ARMH1: variants seen among roughly 807,000 people sequenced by gnomAD.
ARMH1 encodes armadillo like helical domain containing 1.
ARMH1 carries 34 observed loss-of-function variants against 50.2 expected under a neutral mutation model. The ratio of observed to expected loss-of-function variants is 0.68; its 90% CI spans 0.51 to 0.90. ARMH1 has a LOEUF of 0.90. Among genes scored for constraint, ARMH1 ranks in the 40% least tolerant of loss-of-function variants. The pLI is 0.00. For synonymous variants in ARMH1, 221 were observed against 224.2 expected (o/e 0.99, Z 0.13); for missense variants, 538 against 553.9 (o/e 0.97, Z 0.29).
intron 10 of ARMH1, 123 bp from the exon 11 acceptor site, chr1:44,725,011 CCT>C (rs1006537535): frequency 1.4e-4 from 207 of 1,513,024 alleles, no homozygotes; most frequent in Admixed American, 2.7e-4. Context: ...CTTCCTGTTC[CCT>C]TTCCTGCCCT....
intron 6 of ARMH1, among the ~76,000 whole-genome samples, chr1:44,707,423 GA>G (rs955292925): frequency 5.9e-5 from 9 of 151,574 alleles, no homozygotes; most frequent in Non-Finnish European, 8.8e-5. Context: ...AGAAGTCTGT[GA>G]AAAAAAAATC....
At chr1:44,713,842 A>G (rs1002663068) in intron 6 of ARMH1, among the ~76,000 whole-genome samples, 7 of 152,224 alleles carry the variant, frequency 4.6e-5, no homozygotes, top group African/African-American at 1.7e-4. Flanking sequence ...AAGACACACC[A>G]TAGTAATTCT....
chr1:44,724,390 C>G lies in ARMH1; in HGVS notation c.918C>G (p.Ile306Met). 6.5e-7 allele frequency: 1 copy of G among 1,549,730 alleles called. No individual in the cohort carries two copies. Among genetic ancestry groups the G allele is most frequent in the Middle Eastern group, 1.9e-4 (1 of 5,256 alleles). ...AGCAGGCCGCGGCCGCCAAGGCCAT[C>G]GGGTAAGCGGGCAGGGGTTAGTGGG... is the stretch of plus-strand genomic sequence containing the variant. ...FLQQAAAAKA[I>M]GVLARNDMSI... The change falls in exon 8 of 12, where the codon ATC becomes ATG. Residue 306 changes from isoleucine (I) to methionine (M), a missense_variant and splice_region_variant. Physicochemically the swap from Ile to Met is conservative, Grantham distance 10. Transcript: ENST00000535358. The surrounding 1 kb of genome is among the most constrained non-coding windows in gnomAD (Gnocchi z 6.4).
intron 6 of ARMH1, among the ~76,000 whole-genome samples, chr1:44,710,848 T>C (rs1269965800): frequency 6.6e-6 from 1 of 152,164 alleles, no homozygotes; most frequent in African/African-American, 2.4e-5. Context: ...GAGCAGCTAT[T>C]CCCCTTCCAC....
chr1:44,716,212 G>A (rs368006645), intron 6 of ARMH1, among the ~76,000 whole-genome samples: 287 of 151,426 alleles, frequency 1.9e-3, no homozygotes, highest in Middle Eastern at 0.01. Context: ...CACCTCGTCC[G>A]CTCCCACAAC....
intron 6 of ARMH1, among the ~76,000 whole-genome samples, chr1:44,709,535 A>T (rs186797746): frequency 3.3e-5 from 5 of 151,916 alleles, no homozygotes; most frequent in African/African-American, 4.8e-5. Context: ...AGCCGGGCGT[A>T]GTGGCATGCG....
intron 2 of ARMH1, among the ~76,000 whole-genome samples, chr1:44,696,432 G>A (rs578055716): frequency 6.6e-6 from 1 of 152,200 alleles, no homozygotes. Flanking sequence ...CCTAGTAATT[G>A]TTGACTGGTT....
chr1:44,694,932 A>T (rs1204094610), intron 2 of ARMH1, among the ~76,000 whole-genome samples: 1 of 152,258 alleles, frequency 6.6e-6, no homozygotes, highest in Non-Finnish European at 1.5e-5. Flanking sequence ...TAGATAAGAA[A>T]GATGAGCCTT....
chr1:44,706,927 C>T (rs1156669984), intron 6 of ARMH1, among the ~76,000 whole-genome samples: 1 of 152,106 alleles, frequency 6.6e-6, no homozygotes, highest in African/African-American at 2.4e-5. Context: ...GCACTGACAC[C>T]TTCCTCTCCC....
intron 1 of ARMH1, among the ~76,000 whole-genome samples, chr1:44,678,510 A>T (rs2148560835): frequency 6.6e-6 from 1 of 152,176 alleles, no homozygotes; most frequent in South Asian, 2.1e-4. Context: ...GAAGGAAGTG[A>T]CAAATTGGAG....
At chr1:44,680,799 A>G (rs372842166) in intron 1 of ARMH1, among the ~76,000 whole-genome samples, 15 of 152,122 alleles carry the variant, frequency 9.9e-5, no homozygotes, top group African/African-American at 3.6e-4. Flanking sequence ...AGTTGGAAGC[A>G]AAGTTATCCA....
chr1:44,718,366 CA>C lies in ARMH1; in HGVS notation c.725-5749del, dbSNP rs1646935017. ...CATGAGGGGCCAGACCACTTGGCTCCAAAAAAATGAGCTGCACCAATTCAAG... is the reference window on the plus strand; with the variant it reads ...CATGAGGGGCCAGACCACTTGGCTCCAAAAAATGAGCTGCACCAATTCAAG... On this transcript the variant is annotated intron_variant, in intron 6 of 11. Coordinates refer to ENST00000535358, the MANE Select transcript of ARMH1 (RefSeq NM_001145636.2). Among the ~76,000 whole-genome samples the C allele has an allele frequency of 3.9e-5, 6 of 152,178 alleles. No individual in the cohort carries two copies. In the South Asian group the frequency reaches 1.2e-3, roughly 32 times the overall value.
chr1:44,680,166 A>AGTTT (rs3044192), intron 1 of ARMH1, among the ~76,000 whole-genome samples: 1,771 of 151,894 alleles, frequency 0.012, 19 homozygotes, highest in South Asian at 0.033. Context: ...ATTGGGGCCA[A>AGTTT]GTTTGTTTGT....
intron 5 of ARMH1, among the ~76,000 whole-genome samples, chr1:44,702,176 T>A (rs1207451149): frequency 6.6e-6 from 1 of 152,164 alleles, no homozygotes; most frequent in African/African-American, 2.4e-5. Context: ...ATTAAGTGCC[T>A]CATACATGCC....
chr1:44,690,351 A>G (rs1573324768), intron 2 of ARMH1, among the ~76,000 whole-genome samples: 1 of 151,948 alleles, frequency 6.6e-6, no homozygotes, highest in East Asian at 1.9e-4. Flanking sequence ...TAAAAAAAAA[A>G]TCCTTAGAGT....
Position 44,724,579 on chromosome 1 carries a change from C to T in ARMH1, c.961C>T (p.Leu321=), listed in dbSNP as rs1379730187. The change falls in exon 9 of 12, where the codon CTG becomes TTG. Residue 321 remains leucine, a synonymous_variant. Transcript: ENST00000535358. This position sits in a 1 kb window ranked among gnomAD's most constrained non-coding sequence, Gnocchi z 6.4. ...RNDMSIAEEL[L]YLRVVRGLMA... Reference sequence around the variant, plus strand: ...CGACATGAGCATCGCCGAGGAGCTGCTGTACCTGCGCGTGGTGCGTGGCCT... The same window carrying T: ...CGACATGAGCATCGCCGAGGAGCTGTTGTACCTGCGCGTGGTGCGTGGCCT... 2 of 1,517,822 alleles carry T rather than the reference C, an allele frequency of 1.3e-6. No individual in the cohort carries two copies. Among genetic ancestry groups the T allele is most frequent in the Non-Finnish European group, 1.8e-6 (2 of 1,135,396 alleles). The allele number at this position is 1,517,822 out of a possible 1,614,324, so 94.0% of individuals were successfully genotyped here.
intron 4 of ARMH1, among the ~76,000 whole-genome samples, chr1:44,700,216 A>G (rs1268239992): frequency 1.3e-5 from 2 of 152,212 alleles, no homozygotes; most frequent in East Asian, 3.8e-4. Flanking sequence ...TCGAAGCCTC[A>G]GTGTCTTCAT....
chr1:44,690,867 CAG>C (rs919779058), intron 2 of ARMH1, among the ~76,000 whole-genome samples: 4 of 152,054 alleles, frequency 2.6e-5, no homozygotes, highest in African/African-American at 9.7e-5. Context: ...TTAGTAGAGA[CAG>C]GGTTTCACCA....
At chr1:44,677,800 A>G (rs747427503) in intron 1 of ARMH1, among the ~76,000 whole-genome samples, 1 of 152,190 alleles carries the variant, frequency 6.6e-6, no homozygotes, top group Non-Finnish European at 1.5e-5. Flanking sequence ...AGGTGACAGC[A>G]TGAGGAGGGG....
Sources: allele counts gnomAD v4.1 joint callset (sites outside exome capture counted in the v4.1 genomes callset), GRCh38; gene constraint gnomAD v4.1.1; non-coding constraint Gnocchi (gnomAD v3.1); transcripts MANE v1.5; gene names NCBI Gene and HGNC (gene_info 2026-07-23, HGNC 2026-07-21).